RNF6: variants seen among roughly 807,000 people sequenced by gnomAD.
RNF6 encodes E3 ubiquitin-protein ligase RNF6.
A neutral mutation model predicts 50.1 loss-of-function variants in RNF6; 21 were observed. The ratio of observed to expected loss-of-function variants is 0.42; its 90% confidence interval spans 0.30 to 0.60. The LOEUF (loss-of-function observed/expected upper bound fraction) is 0.60, where lower values mean the gene tolerates loss of function less well. RNF6 is among the 20% of genes least tolerant of loss of function. The pLI, the probability that RNF6 is intolerant of heterozygous loss-of-function variation, is 0.20. For synonymous variants in RNF6, 255 were observed against 291.8 expected (o/e 0.87, Z 1.29); for missense variants, 698 against 838.2 (o/e 0.83, Z 2.07).
At chr13:26,176,434 C>A (rs1003385000) in intron 5 of RNF6, among the ~76,000 whole-genome samples, 5 of 152,196 alleles carry the variant, frequency 3.3e-5, no homozygotes, top group African/African-American at 1.2e-4. Context: ...GGATTACAGG[C>A]ATGAGCCACT....
intron 5 of RNF6, among the ~76,000 whole-genome samples, chr13:26,189,993 G>A (rs1868394436): frequency 6.6e-6 from 1 of 152,178 alleles, no homozygotes; most frequent in Admixed American, 6.5e-5. Context: ...TTTTCTTACA[G>A]TTCTGTGCAT....
intron 5 of RNF6, among the ~76,000 whole-genome samples, chr13:26,192,863 G>C: frequency 6.6e-6 from 1 of 152,214 alleles, no homozygotes; most frequent in East Asian, 1.9e-4. Context: ...CTGAAACAGA[G>C]AACCTAGCTA....
intron 5 of RNF6, among the ~76,000 whole-genome samples, chr13:26,174,301 G>A (rs1872845469): frequency 6.6e-6 from 1 of 152,148 alleles, no homozygotes; most frequent in South Asian, 2.1e-4. Flanking sequence ...TTTAGAATAT[G>A]CTGGAGTTCG....
intron 5 of RNF6, among the ~76,000 whole-genome samples, chr13:26,171,378 AAAT>A (rs140451976): frequency 0.032 from 4,850 of 152,298 alleles, 98 homozygotes; most frequent in South Asian, 0.057. Context: ...GCTATTATAA[AAAT>A]AATAATAACA....
intron 5 of RNF6, among the ~76,000 whole-genome samples, chr13:26,173,077 G>C (rs1185376423): frequency 2.0e-5 from 3 of 152,176 alleles, no homozygotes. Flanking sequence ...TAAAGACGAG[G>C]ACAATGCCAA....
intron 5 of RNF6, among the ~76,000 whole-genome samples, chr13:26,201,202 G>C (rs1018460241): frequency 2.6e-5 from 4 of 152,150 alleles, no homozygotes; most frequent in African/African-American, 9.7e-5. Context: ...GTAGCCAACT[G>C]TCTTATACAT....
At chr13:26,152,099 A>T (rs1871640164) in intron 5 of RNF6, among the ~76,000 whole-genome samples, 1 of 152,196 alleles carries the variant, frequency 6.6e-6, no homozygotes, top group Admixed American at 6.5e-5. Flanking sequence ...ACTCTATCCT[A>T]TGTTACCCAA....
intron 5 of RNF6, among the ~76,000 whole-genome samples, chr13:26,168,986 G>A (rs1282469745): frequency 6.6e-6 from 1 of 152,172 alleles, no homozygotes; most frequent in African/African-American, 2.4e-5. Context: ...CTGGGTGATA[G>A]AGTGAGTCCT....
chr13:26,143,984 C>T (rs987105690), intron 5 of RNF6, among the ~76,000 whole-genome samples: 2 of 152,136 alleles, frequency 1.3e-5, no homozygotes, highest in Admixed American at 6.6e-5. Context: ...ATGTCTATTC[C>T]AGTAAGAATA....
At chr13:26,162,465 C>T (rs535840503) in intron 5 of RNF6, among the ~76,000 whole-genome samples, 8 of 152,362 alleles carry the variant, frequency 5.3e-5, no homozygotes, top group Non-Finnish European at 7.3e-5. Context: ...CACATGAGTA[C>T]AGTAAACTCT....
chr13:26,152,097 C>T (rs539508359), intron 5 of RNF6, among the ~76,000 whole-genome samples: 46 of 152,290 alleles, frequency 3.0e-4, no homozygotes, highest in Non-Finnish European at 6.0e-4. Context: ...CCACTCTATC[C>T]TATGTTACCC....
At chr13:26,218,463 C>G in intron 4 of RNF6, 48 bp downstream of exon 4, 1 of 1,423,336 alleles carries the variant, frequency 7.0e-7, no homozygotes, top group Non-Finnish European at 9.9e-7. Flanking sequence ...TTCATTTCTG[C>G]AAGTGCTCCA....
At chr13:26,138,245 A>G (rs1870750220) in intron 5 of RNF6, among the ~76,000 whole-genome samples, 1 of 152,188 alleles carries the variant, frequency 6.6e-6, no homozygotes, top group African/African-American at 2.4e-5. Flanking sequence ...ATAATTTTAT[A>G]TCGAGTAAAA....
At chr13:26,138,247 C>T (rs997068386) in intron 5 of RNF6, among the ~76,000 whole-genome samples, 9 of 152,056 alleles carry the variant, frequency 5.9e-5, no homozygotes, top group African/African-American at 9.7e-5. Flanking sequence ...AATTTTATAT[C>T]GAGTAAAACT....
chr13:26,180,905 G>A (rs1036448296), intron 5 of RNF6, among the ~76,000 whole-genome samples: 1 of 152,220 alleles, frequency 6.6e-6, no homozygotes, highest in African/African-American at 2.4e-5. Context: ...GAAGGGGAGA[G>A]GCTAGTTTCC....
At chr13:26,156,129 G>A (rs1012104938) in intron 5 of RNF6, among the ~76,000 whole-genome samples, 4 of 152,214 alleles carry the variant, frequency 2.6e-5, no homozygotes, top group Non-Finnish European at 5.9e-5. Context: ...CCTACAAAAT[G>A]TCTCAGAATA....
At chr13:26,222,771 G>C (rs890543106), upstream of RNF6, 2 of 152,328 alleles carry the variant, frequency 1.3e-5, no homozygotes, top group African/African-American at 4.8e-5. Context: ...GGAACTACAG[G>C]CGCTTGCCAT....
chr13:26,160,472 C>T (rs140815739), intron 5 of RNF6, among the ~76,000 whole-genome samples: 2,803 of 151,180 alleles, frequency 0.019, 45 homozygotes, highest in Non-Finnish European at 0.03. Flanking sequence ...GATTCTCCCA[C>T]CTCAGCCTCC....
intron 5 of RNF6, among the ~76,000 whole-genome samples, chr13:26,134,491 G>T (rs968953516): frequency 9.9e-5 from 15 of 151,694 alleles, no homozygotes; most frequent in Admixed American, 2.6e-4. Context: ...TTTTTTTTTG[G>T]TTTTTTGAGT....
Sources: gnomAD v4.1 joint callset for allele counts (sites outside exome capture counted in the v4.1 genomes callset) on GRCh38, gnomAD v4.1.1 for gene constraint, MANE v1.5 for transcripts, NCBI Gene and HGNC (gene_info 2026-07-23, HGNC 2026-07-21) for gene names.